Variants in RYR1 observed in about 807,000 individuals in gnomAD.
The protein encoded by RYR1 is ryanodine receptor 1.
Under a neutral mutation model 583.5 loss-of-function variants are expected in RYR1, and 342 were observed. That is an observed-to-expected ratio of 0.59 (90% confidence interval 0.54 to 0.64). RYR1 has a LOEUF of 0.64. RYR1 is among the 30% of genes least tolerant of loss of function. The pLI is 0.00. For missense variants in RYR1, 6,032 were observed against 6,917.2 expected (o/e 0.87, Z 4.54); for synonymous variants, 2,791 against 2,822.5 (o/e 0.99, Z 0.35).
Position 38,499,118 on chromosome 19 carries a change from A to G in RYR1, c.6902A>G (p.Tyr2301Cys). 2 of 1,614,100 alleles carry G rather than the reference A, an allele frequency of 1.2e-6. No individual in the cohort carries two copies. The highest frequency in any genetic ancestry group is 1.7e-6 in the Non-Finnish European group (2 of 1,179,996). The change falls in exon 43 of 106, where the codon TAC becomes TGC. Residue 2301 changes from tyrosine to cysteine, a missense_variant. Around this residue, in one of 11 missense-constraint regions of RYR1, gnomAD observed 2,627 missense variants for 2,961.3 expected, o/e 0.89. Transcript: ENST00000359596. The surrounding 1 kb of genome is among the most constrained non-coding windows in gnomAD (Gnocchi z 7.3). ...QEQDLEKVVS[Y>C]LAGCGLQSCP... ...CCCTTCTGCCCCCAGGTTGTGTCCTACCTGGCAGGCTGTGGCCTCCAGAGC... is the reference window on the plus strand; with the variant it reads ...CCCTTCTGCCCCCAGGTTGTGTCCTGCCTGGCAGGCTGTGGCCTCCAGAGC...
In RYR1 at chr19:38,535,331, C is replaced by T; in HGVS notation, c.11455C>T (p.Leu3819Phe). The change falls in exon 81 of 106, where the codon CTT becomes TTT. Residue 3819 changes from leucine (L) to phenylalanine (F), a missense_variant. This residue lies in a region of RYR1 where 1,493 missense variants were observed against 1,715.5 expected (regional missense o/e 0.87). Coordinates refer to ENST00000359596, the MANE Select transcript of RYR1 (RefSeq NM_000540.3). ...AEVQQKMLDY[L>F]KDKKEVGFFQ... ...CCCTCTGCAGAAAATGCTGGATTAT[C>T]TTAAGGACAAGAAGGAAGTTGGCTT... 1 of 1,614,172 alleles carries T rather than the reference C, an allele frequency of 6.2e-7. No individual in the cohort carries two copies. Among genetic ancestry groups the T allele is most frequent in the Non-Finnish European group, 8.5e-7 (1 of 1,180,026 alleles).
chr19:38,543,768 C>T lies in RYR1; in HGVS notation c.11908-3C>T, dbSNP rs775599047. 6.2e-7 allele frequency: 1 copy of T among 1,612,786 alleles called. No individual in the cohort carries two copies. Among genetic ancestry groups the T allele is most frequent in the Non-Finnish European group, 8.5e-7 (1 of 1,180,016 alleles). ...CCCCCCCACACGGCACTCTGCCTCCCAGGGTCCCTGCACCGGGAACCAGCA... is the reference window on the plus strand; with the variant it reads ...CCCCCCCACACGGCACTCTGCCTCCTAGGGTCCCTGCACCGGGAACCAGCA... On this transcript the variant is annotated splice_polypyrimidine_tract_variant and splice_region_variant and intron_variant, in intron 86 of 105. Coordinates refer to ENST00000359596, the MANE Select transcript of RYR1 (RefSeq NM_000540.3). The surrounding 1 kb of genome is among the most constrained non-coding windows in gnomAD (Gnocchi z 4.4).
At chr19:38,574,280 A>G (rs1973858104) in intron 96 of RYR1, among the ~76,000 whole-genome samples, 1 of 148,044 alleles carries the variant, frequency 6.8e-6, no homozygotes, top group African/African-American at 2.6e-5. Flanking sequence ...AAAAAAGGAA[A>G]AGAAAAAGAA....
intron 102 of RYR1, 96 bp downstream of exon 102, chr19:38,585,195 C>A: frequency 1.4e-6 from 2 of 1,419,908 alleles, no homozygotes; most frequent in Non-Finnish European, 1.9e-6. Flanking sequence ...ATTCATACCC[C>A]ATCTCTACCT....
chr19:38,519,133 T>A (rs995431183), intron 66 of RYR1, 81 bp from the exon 67 acceptor site: 180 of 1,609,768 alleles, frequency 1.1e-4, no homozygotes, highest in Non-Finnish European at 5.1e-5. Context: ...GGAGATGCTG[T>A]TTGGGAGTCG....
At chr19:38,520,556 G>A (rs576953394) in intron 67 of RYR1, among the ~76,000 whole-genome samples, 67 of 151,750 alleles carry the variant, frequency 4.4e-4, no homozygotes, top group Admixed American at 6.6e-4. Context: ...TTAGCCAGGC[G>A]TAGTGACGCA....
In RYR1 at chr19:38,433,765, G is replaced by T; in HGVS notation, c.-65G>T. On this transcript the variant is annotated 5_prime_UTR_variant, in exon 1 of 106. Transcript: ENST00000359596. ...ACCCCAGCCCGCCCCCAGCCCTCCC[G>T]CCCAGCCCGCAGCCCCCTCCCTCTG... is the stretch of plus-strand genomic sequence containing the variant. 1 of 223,866 alleles carries T rather than the reference G, an allele frequency of 4.5e-6. No individual in the cohort carries two copies. Among genetic ancestry groups the T allele is most frequent in the East Asian group, 8.0e-5 (1 of 12,558 alleles). The allele number at this position is 223,866 out of a possible 1,614,324, so 13.9% of individuals were successfully genotyped here. A position where few individuals can be genotyped will look rare whatever the true frequency, so the allele number is the denominator to read the frequency against.
intron 90 of RYR1, among the ~76,000 whole-genome samples, chr19:38,562,678 G>A (rs1973203081): frequency 6.6e-6 from 1 of 151,726 alleles, no homozygotes. Context: ...CCTGCCTCAC[G>A]CACACTGCAT....
rs74481153 is a variant in RYR1 at position 38,506,420 on chromosome 19, G to T, written c.8616+43G>T. 28 of 1,613,576 alleles carry T rather than the reference G, an allele frequency of 1.7e-5. No homozygotes were observed. In the South Asian group the frequency reaches 2.2e-4, roughly 13 times the overall value. ...TTTGGGGGGACATAGGGTGTCTTTG[G>T]GGGGGCTGGCATCCTCTGAATCTAG... On this transcript the variant is annotated intron_variant, in intron 55 of 105. Transcript: ENST00000359596.
chr19:38,496,956 T>C lies in RYR1; in HGVS notation c.6891+2T>C, dbSNP rs1455553231. ...TTGCAGGAGCAGGACCTGGAAAAGG[T>C]GTGGAGGGCAGGGCTGGGCCCCAGG... On this transcript the variant is annotated splice_donor_variant, in intron 42 of 105. Transcript: ENST00000359596. LOFTEE classifies it high-confidence loss of function. The surrounding 1 kb of genome is among the most constrained non-coding windows in gnomAD (Gnocchi z 4.8). 6.2e-7 allele frequency: 1 copy of C among 1,612,320 alleles called. No homozygotes were observed. Among genetic ancestry groups the C allele is most frequent in the African/African-American group, 1.3e-5 (1 of 74,760 alleles).
At chr19:38,469,910 TAAAAAA>T (rs368587030) in intron 27 of RYR1, among the ~76,000 whole-genome samples, 2 of 146,184 alleles carry the variant, frequency 1.4e-5, no homozygotes, top group African/African-American at 5.0e-5. Flanking sequence ...CTACAAAAAA[TAAAAAA>T]AAAAATTAGC....
At chr19:38,575,254 G>C (rs1174936661) in intron 96 of RYR1, among the ~76,000 whole-genome samples, 2 of 152,154 alleles carry the variant, frequency 1.3e-5, no homozygotes, top group East Asian at 3.8e-4. Context: ...CTTTATCAGA[G>C]TGCCATTCTG....
intron 83 of RYR1, chr19:38,537,224 G>GTGCGCCTGCCTCCTC (rs112317711): frequency 2.4e-5 from 6 of 248,956 alleles, no homozygotes; most frequent in East Asian, 9.7e-5. Context: ...TCTGATTGGT[G>GTGCGCCTGCCTCCTC]TGCGCCTGCC....
chr19:38,510,801 G>A lies in RYR1; in HGVS notation c.9122+20G>A. ...CACCAGGTGGGCCGCCTGTGACCCT[G>A]GACCCAGCCCCCTGACCTCACAGGA... On this transcript the variant is annotated intron_variant, in intron 60 of 105. Coordinates refer to ENST00000359596, the MANE Select transcript of RYR1 (RefSeq NM_000540.3). 6.2e-7 allele frequency: 1 copy of A among 1,613,966 alleles called. No individual in the cohort carries two copies. The highest frequency in any genetic ancestry group is 8.5e-7 in the Non-Finnish European group (1 of 1,180,038).
chr19:38,520,266 A>C (rs912380161), intron 67 of RYR1, among the ~76,000 whole-genome samples: 1 of 149,004 alleles, frequency 6.7e-6, no homozygotes, highest in African/African-American at 2.5e-5. Context: ...GGGTCTCACT[A>C]TGTTGCCCAG....
At chr19:38,538,055 G>T in intron 84 of RYR1, 95 bp downstream of exon 84, 1 of 1,099,168 alleles carries the variant, frequency 9.1e-7, no homozygotes, top group Non-Finnish European at 1.4e-6. Flanking sequence ...CTCCTCCCCC[G>T]GTCAATGATG....
At position 38,448,798 on chromosome 19, in the gene RYR1, C is replaced by A; in HGVS notation, c.1107C>A (p.Gly369=). 6.2e-7 allele frequency: 1 copy of A among 1,613,924 alleles called. No homozygotes were observed. The highest frequency in any genetic ancestry group is 1.1e-5 in the South Asian group (1 of 91,068). Residue 369 remains glycine (G), a synonymous_variant, in exon 11 of 106, where the codon GGC becomes GGA. Transcript: ENST00000359596. ...AAPDPKALRL[G]VLKKKAMLHQ... Reference sequence around the variant, plus strand: ...CAGACCCCAAGGCCCTGCGGCTCGGCGTGCTCAAGAAGAAGGTGGGTGTAA... The same window carrying A: ...CAGACCCCAAGGCCCTGCGGCTCGGAGTGCTCAAGAAGAAGGTGGGTGTAA...
At chr19:38,534,969 AC>A in intron 79 of RYR1, 150 bp downstream of exon 79, 1 of 1,084,990 alleles carries the variant, frequency 9.2e-7, no homozygotes, top group South Asian at 1.4e-5. Context: ...CCCCTTGTAT[AC>A]CTGCCTTGCA....
intron 57 of RYR1, 41 bp from the exon 58 acceptor site, chr19:38,507,671 C>T (rs1970535055): frequency 7.8e-7 from 1 of 1,274,048 alleles, no homozygotes; most frequent in South Asian, 1.2e-5. Context: ...AACTGTAGGG[C>T]CGGCGTCTGG....
Sources: allele counts gnomAD v4.1 joint callset (sites outside exome capture counted in the v4.1 genomes callset), GRCh38; gene constraint gnomAD v4.1.1; regional missense constraint gnomAD v4.1.1; non-coding constraint Gnocchi (gnomAD v3.1); transcripts MANE v1.5; gene names NCBI Gene and HGNC (gene_info 2026-07-23, HGNC 2026-07-21).